SLC25A26: variants seen among roughly 807,000 people sequenced by gnomAD.
SLC25A26 encodes solute carrier family 25 member 26.
In SLC25A26, 36 loss-of-function variants were observed where a neutral mutation model predicts 37.8. The observed-to-expected ratio is 0.95, with a 90% CI of 0.73 to 1.26. The LOEUF is 1.26. Ranked by LOEUF, SLC25A26 falls within the 50% of genes most tolerant of loss-of-function variation. SLC25A26 has a pLI of 0.00. For missense variants in SLC25A26, 390 were observed against 331.1 expected (o/e 1.18, Z -1.38); for synonymous variants, 129 against 122.5 (o/e 1.05, Z -0.35).
chr3:66,261,217 G>A (rs560912939), intron 3 of SLC25A26, among the ~76,000 whole-genome samples: 175 of 152,240 alleles, frequency 1.1e-3, no homozygotes, highest in Middle Eastern at 6.8e-3. Flanking sequence ...GGTGCATAGC[G>A]GCTTAAATAC....
At chr3:66,320,596 A>C (rs1442989618) in intron 5 of SLC25A26, among the ~76,000 whole-genome samples, 5 of 152,108 alleles carry the variant, frequency 3.3e-5, no homozygotes, top group African/African-American at 1.2e-4. Flanking sequence ...TTTTGGGTGT[A>C]TACCTATAAG....
intron 1 of SLC25A26, among the ~76,000 whole-genome samples, chr3:66,226,814 G>A (rs2071776788): frequency 6.6e-6 from 1 of 151,916 alleles, no homozygotes. Flanking sequence ...AGGTGTCACA[G>A]GTATGAGCCA....
At position 66,313,976 on chromosome 3, in the gene SLC25A26, C is replaced by T. The variant is rs141413480; in HGVS notation, c.454-32388C>T. ...GACTTTTGCATGTTGATTTTGTATC[C>T]TGAGACGTTGCTGAAATTGCTTAAA... On this transcript the variant is annotated intron_variant, in intron 5 of 9. Transcript: ENST00000354883. Among the ~76,000 whole-genome samples the T allele has an allele frequency of 8.5e-5, 13 of 152,204 alleles. No individual in the cohort carries two copies. The East Asian group carries it at 2.5e-3, about 29-fold the overall frequency.
At chr3:66,181,868 T>G (rs1182098354) in intron 1 of SLC25A26, among the ~76,000 whole-genome samples, 2 of 149,046 alleles carry the variant, frequency 1.3e-5, no homozygotes, top group Non-Finnish European at 3.0e-5. Context: ...TGGACCTGCG[T>G]GTCTTTTCTC....
chr3:66,253,831 A>T (rs2073191989), intron 3 of SLC25A26, among the ~76,000 whole-genome samples: 1 of 152,156 alleles, frequency 6.6e-6, no homozygotes, highest in South Asian at 2.1e-4. Context: ...CATCCATGGG[A>T]TGTTTGTCAC....
intron 5 of SLC25A26, among the ~76,000 whole-genome samples, chr3:66,310,747 A>G (rs992456820): frequency 6.6e-6 from 1 of 152,214 alleles, no homozygotes; most frequent in African/African-American, 2.4e-5. Context: ...TTCTTTGCTT[A>G]TGAAGCTTAG....
At chr3:66,248,393 A>G (rs2107164845) in intron 3 of SLC25A26, among the ~76,000 whole-genome samples, 1 of 152,346 alleles carries the variant, frequency 6.6e-6, no homozygotes, top group South Asian at 2.1e-4. Context: ...CTCAGTTTTC[A>G]TCACACACAG....
rs146688446 is a variant in SLC25A26, at chr3:66,376,452, G to T, written c.708-1238G>T. ...CCAACCTTCAGCAGCCACTACCCTG[G>T]TCAGTTAGCAGCCATCATTCAAAGC... On this transcript the variant is annotated intron_variant, in intron 9 of 9. Coordinates refer to ENST00000354883, the MANE Select transcript of SLC25A26 (RefSeq NM_001379210.1). 9.0e-3 allele frequency among the ~76,000 whole-genome samples: 1,375 copies of T among 152,198 alleles called. 31 individuals are homozygous for T. Among genetic ancestry groups the T allele is most frequent in the African/African-American group, 0.032 (1,324 of 41,520 alleles).
At chr3:66,373,170 T>C (rs575803884) in intron 9 of SLC25A26, among the ~76,000 whole-genome samples, 185 of 152,358 alleles carry the variant, frequency 1.2e-3, no homozygotes, top group African/African-American at 4.1e-3. Context: ...TTTCTGTTTT[T>C]GTTGACTGTG....
rs115703772 is a variant in SLC25A26 at position 66,335,703 on chromosome 3, C to T, written c.454-10661C>T. On this transcript the variant is annotated intron_variant, in intron 5 of 9. Transcript: ENST00000354883. ...TGGATGTGATGAGAAGTAAGCCAGA[C>T]ACCTCCCCTGCCTGCCTTATCAAGC... Among the ~76,000 whole-genome samples, 385 of 152,296 alleles carry T rather than the reference C, an allele frequency of 2.5e-3. 2 individuals are homozygous for T. The highest frequency in any genetic ancestry group is 9.1e-3 in the African/African-American group (378 of 41,572).
chr3:66,229,648 T>G (rs1289270408), intron 1 of SLC25A26, among the ~76,000 whole-genome samples: 1 of 152,212 alleles, frequency 6.6e-6, no homozygotes, highest in Non-Finnish European at 1.5e-5. Context: ...CAACTAAACC[T>G]CTTTTCTTTA....
At chr3:66,341,695 T>C (rs2076212884) in intron 5 of SLC25A26, among the ~76,000 whole-genome samples, 1 of 152,212 alleles carries the variant, frequency 6.6e-6, no homozygotes, top group South Asian at 2.1e-4. Flanking sequence ...AAAGATGCTT[T>C]AGGAATGTTA....
intron 2 of SLC25A26, among the ~76,000 whole-genome samples, chr3:66,241,594 A>G (rs1401464036): frequency 1.3e-5 from 2 of 152,202 alleles, no homozygotes; most frequent in East Asian, 3.9e-4. Flanking sequence ...CATCCATGAA[A>G]CTTCAGTGAA....
chr3:66,291,182 G>A (rs891350980), intron 5 of SLC25A26, among the ~76,000 whole-genome samples: 1 of 152,064 alleles, frequency 6.6e-6, no homozygotes. Context: ...ACTTTTTATT[G>A]TGTCTGTTTG....
chr3:66,243,029 A>G (rs1024949030), intron 2 of SLC25A26, among the ~76,000 whole-genome samples, 174 bp from the exon 3 acceptor site: 2 of 152,216 alleles, frequency 1.3e-5, no homozygotes, highest in East Asian at 1.9e-4. Context: ...GGCATATACC[A>G]TGGCGTCAGT....
intron 3 of SLC25A26, among the ~76,000 whole-genome samples, chr3:66,248,422 T>C (rs2072942610): frequency 6.6e-6 from 1 of 152,208 alleles, no homozygotes; most frequent in African/African-American, 2.4e-5. Context: ...CTTTGGGAAG[T>C]AGAATCTGTA....
At chr3:66,221,255 G>C (rs1038378599) in intron 1 of SLC25A26, 128 bp downstream of exon 1, 6 of 1,023,666 alleles carry the variant, frequency 5.9e-6, no homozygotes, top group African/African-American at 1.7e-5. Flanking sequence ...CTGGCAGCCA[G>C]GTCTGAGAGG....
chr3:66,146,790 A>C (rs2106679894), intron 1 of SLC25A26, among the ~76,000 whole-genome samples: 1 of 152,272 alleles, frequency 6.6e-6, no homozygotes, highest in South Asian at 2.1e-4. Context: ...TCACCCAAGC[A>C]GTGTACATTG....
At chr3:66,193,063 T>C (rs1282445346) in intron 1 of SLC25A26, among the ~76,000 whole-genome samples, 2 of 152,172 alleles carry the variant, frequency 1.3e-5, no homozygotes, top group African/African-American at 4.8e-5. Flanking sequence ...TATGTATATA[T>C]AGGATTTTCT....
Sources: gnomAD v4.1 joint callset for allele counts (sites outside exome capture counted in the v4.1 genomes callset) on GRCh38, gnomAD v4.1.1 for gene constraint, MANE v1.5 for transcripts, NCBI Gene and HGNC (gene_info 2026-07-23, HGNC 2026-07-21) for gene names.